RSPO1: variants seen among roughly 807,000 people sequenced by gnomAD.
RSPO1 encodes the protein R-spondin-1.
A neutral mutation model predicts 26.0 loss-of-function variants in RSPO1; 18 were observed. The ratio of observed to expected loss-of-function variants is 0.69; its 90% CI spans 0.48 to 1.03. The LOEUF (loss-of-function observed/expected upper bound fraction) is 1.03. RSPO1 is among the 50% of genes least tolerant of loss of function. The pLI, the probability that RSPO1 is intolerant of heterozygous loss-of-function variation, is 0.00. For missense variants in RSPO1, 309 were observed against 352.3 expected (o/e 0.88, Z 0.98); for synonymous variants, 133 against 137.4 (o/e 0.97, Z 0.22).
chr1:37,628,536 G>A (rs941220116), intron 3 of RSPO1, among the ~76,000 whole-genome samples: 2 of 152,236 alleles, frequency 1.3e-5, no homozygotes, highest in African/African-American at 2.4e-5. Context: ...TCTCCTGCCT[G>A]TGGGTGTGGC....
Position 37,614,190 on chromosome 1 carries a change from T to A in RSPO1, c.430A>T (p.Ser144Cys). The A allele has an allele frequency of 6.2e-7, 1 of 1,612,810 alleles. No individual in the cohort carries two copies. The highest frequency in any genetic ancestry group is 8.5e-7 in the Non-Finnish European group (1 of 1,179,994). ...SAANGTMECSSPAQCEMSEWS... is the reference protein window; with the variant it reads ...SAANGTMECSCPAQCEMSEWS... Reference sequence around the variant, plus strand: ...AGTGCCTGCCATGGCTTACCAGGACTACTGCACTCCATGGTGCCATTGGCA... The same window carrying A: ...AGTGCCTGCCATGGCTTACCAGGACAACTGCACTCCATGGTGCCATTGGCA... The change falls in exon 5 of 7, where the codon AGT becomes TGT. Residue 144 changes from serine (S) to cysteine (C), a missense_variant. By Grantham distance (112) the Ser-to-Cys change is moderately radical (BLOSUM62 -1). Coordinates refer to ENST00000356545, the MANE Select transcript of RSPO1 (RefSeq NM_001242908.2).
chr1:37,612,815 C>T lies in RSPO1; in HGVS notation c.732G>A (p.Gly244=), dbSNP rs376406082. The T allele has an allele frequency of 1.2e-6, 2 of 1,613,350 alleles. No homozygotes were observed. Among genetic ancestry groups the T allele is most frequent in the Non-Finnish European group, 1.7e-6 (2 of 1,180,044 alleles). ...EAGAGSRRRK[G]QQQQQQQGTV... is the part of the protein sequence containing the mutation. ...TCCCTTGCTGCTGCTGCTGTTGCTGCCCCTTGCGTCTTCGAGAGCCAGCAC... is the reference window on the plus strand; with the variant it reads ...TCCCTTGCTGCTGCTGCTGTTGCTGTCCCTTGCGTCTTCGAGAGCCAGCAC... Residue 244 remains glycine (G), a synonymous_variant, in exon 7 of 7, where the codon GGG becomes GGA. Transcript: ENST00000356545.
chr1:37,625,526 G>C (rs1430883593), intron 3 of RSPO1, among the ~76,000 whole-genome samples: 3 of 152,090 alleles, frequency 2.0e-5, no homozygotes, highest in Non-Finnish European at 4.4e-5. Context: ...AGGAGGATAG[G>C]TAGTGGGGCC....
rs1644330769 is a variant in RSPO1 at position 37,629,829 on chromosome 1, G to A, written c.-168C>T. On this transcript the variant is annotated 5_prime_UTR_variant, in exon 3 of 7. Coordinates refer to ENST00000356545, the MANE Select transcript of RSPO1 (RefSeq NM_001242908.2). Reference sequence around the variant, plus strand: ...CAGCTGGGGACAGAGAGGGTGTGGGGAGCCCAGTTCTCCATCAGCTCAAAG... The same window carrying A: ...CAGCTGGGGACAGAGAGGGTGTGGGAAGCCCAGTTCTCCATCAGCTCAAAG... The A allele has an allele frequency of 6.4e-7, 1 of 1,550,880 alleles. No homozygotes were observed. Among genetic ancestry groups the A allele is most frequent in the Non-Finnish European group, 8.7e-7 (1 of 1,146,792 alleles).
chr1:37,613,971 G>A lies in RSPO1; in HGVS notation c.437-79C>T. On this transcript the variant is annotated intron_variant, in intron 5 of 6. Transcript: ENST00000356545. The surrounding 1 kb of genome is among the most constrained non-coding windows in gnomAD (Gnocchi z 4.5). The stretch of plus-strand genomic sequence containing the variant: ...TCCTCCTCTGGCCCAGAATAGCCCA[G>A]GGGAGCATCTCCCACTTTCCTTCTG... 6.6e-7 allele frequency: 1 copy of A among 1,506,288 alleles called. No homozygotes were observed. The highest frequency in any genetic ancestry group is 9.2e-7 in the Non-Finnish European group (1 of 1,083,568). 93.3% of individuals were successfully genotyped at this position (1,506,288 alleles called of 1,614,324 possible).
chr1:37,630,705 A>G (rs555964000), intron 2 of RSPO1, among the ~76,000 whole-genome samples: 2 of 152,212 alleles, frequency 1.3e-5, no homozygotes, highest in Admixed American at 6.5e-5. Context: ...GTGTCTGGGA[A>G]GTTGGACATC....
rs748339569 is a variant in RSPO1 at position 37,613,777 on chromosome 1, C to T, written c.552G>A (p.Val184=). Residue 184 remains valine (V), a synonymous_variant, in exon 6 of 7, where the codon GTG becomes GTA. Coordinates refer to ENST00000356545, the MANE Select transcript of RSPO1 (RefSeq NM_001242908.2). This position sits in a 1 kb window ranked among gnomAD's most constrained non-coding sequence, Gnocchi z 4.5. The part of the protein sequence containing the change: ...ERTRRVLHAP[V]GDHAACSDTK... ...TGTCAGAGCAGGCAGCATGGTCCCCCACAGGGGCATGTAGCACCCTGCGTG... is the reference window on the plus strand; with the variant it reads ...TGTCAGAGCAGGCAGCATGGTCCCCTACAGGGGCATGTAGCACCCTGCGTG... The T allele has an allele frequency of 2.5e-6, 4 of 1,614,046 alleles. No homozygotes were observed. In the South Asian group the frequency reaches 4.4e-5, roughly 18 times the overall value.
At chr1:37,626,510 T>G (rs1049996529) in intron 3 of RSPO1, among the ~76,000 whole-genome samples, 2 of 152,210 alleles carry the variant, frequency 1.3e-5, no homozygotes, top group African/African-American at 2.4e-5. Context: ...ATTGACATTT[T>G]GTCTTCCCCC....
chr1:37,613,753 G>A lies in RSPO1; in HGVS notation c.576C>T (p.Asp192=), dbSNP rs1414974113. 3.1e-6 allele frequency: 5 copies of A among 1,613,866 alleles called. No individual in the cohort carries two copies. The South Asian group carries it at 5.5e-5, about 18-fold the overall frequency. ...CTGTGCACCTCCGGGTCTCCTTGGT[G>A]TCAGAGCAGGCAGCATGGTCCCCCA... ...APVGDHAACS[D]TKETRRCTVR... Residue 192 remains aspartate, a synonymous_variant, in exon 6 of 7, where the codon GAC becomes GAT. Coordinates refer to ENST00000356545, the MANE Select transcript of RSPO1 (RefSeq NM_001242908.2). The surrounding 1 kb of genome is among the most constrained non-coding windows in gnomAD (Gnocchi z 4.5).
intron 3 of RSPO1, among the ~76,000 whole-genome samples, chr1:37,621,620 G>A (rs1160450061): frequency 6.6e-6 from 1 of 152,070 alleles, no homozygotes; most frequent in Non-Finnish European, 1.5e-5. Context: ...GTTCGGGTGG[G>A]AAAATGACGA....
intron 2 of RSPO1, among the ~76,000 whole-genome samples, chr1:37,631,317 T>C (rs926709913): frequency 2.6e-5 from 4 of 152,206 alleles, no homozygotes; most frequent in Non-Finnish European, 5.9e-5. Context: ...CCTGGTGCTG[T>C]GGCCTGAGCC....
chr1:37,624,563 T>A (rs748377315), intron 3 of RSPO1, among the ~76,000 whole-genome samples: 1 of 145,806 alleles, frequency 6.9e-6, no homozygotes, highest in Non-Finnish European at 1.5e-5. Flanking sequence ...CAATTCCCCC[T>A]CTTCTAGTCT....
rs776433379 is a variant in RSPO1, at chr1:37,614,164, C to T, written c.436+20G>A. 92 of 1,611,304 alleles carry T rather than the reference C, an allele frequency of 5.7e-5. No homozygotes were observed. The highest frequency in any genetic ancestry group is 4.3e-4 in the Middle Eastern group (2 of 4,680). The stretch of plus-strand genomic sequence containing the variant: ...TCTGGGGTCCTGGACCCTCTGCCCA[C>T]AGTGCCTGCCATGGCTTACCAGGAC... On this transcript the variant is annotated intron_variant, in intron 5 of 6. Transcript: ENST00000356545.
At position 37,612,932 on chromosome 1, in the gene RSPO1, C is replaced by A. The variant is rs763326013; in HGVS notation, c.626-11G>T. 6.2e-7 allele frequency: 1 copy of A among 1,613,826 alleles called. No homozygotes were observed. The highest frequency in any genetic ancestry group is 1.7e-5 in the Admixed American group (1 of 60,028). ...TCCTCCTCTTCTGCCCTGAAACAAC[C>A]AAACAGCAGGAAGAATCAACAAAGG... On this transcript the variant is annotated splice_polypyrimidine_tract_variant and intron_variant, in intron 6 of 6. Coordinates refer to ENST00000356545, the MANE Select transcript of RSPO1 (RefSeq NM_001242908.2).
intron 3 of RSPO1, among the ~76,000 whole-genome samples, chr1:37,624,189 G>A (rs993036297): frequency 2.0e-5 from 3 of 152,150 alleles, no homozygotes; most frequent in African/African-American, 4.8e-5. Flanking sequence ...AGGAGGCTGA[G>A]GCAGGAGGAT....
chr1:37,627,982 G>T (rs1644303597), intron 3 of RSPO1, among the ~76,000 whole-genome samples: 1 of 152,222 alleles, frequency 6.6e-6, no homozygotes, highest in Non-Finnish European at 1.5e-5. Context: ...GTCAAAATTG[G>T]TGCAGGAGAT....
chr1:37,624,751 A>T (rs1644252622), intron 3 of RSPO1, among the ~76,000 whole-genome samples: 1 of 152,030 alleles, frequency 6.6e-6, no homozygotes, highest in Admixed American at 6.5e-5. Context: ...TTAAACTAAA[A>T]ATCTGATGGT....
In RSPO1 at chr1:37,612,650, G is replaced by C. The variant is rs1644041661; in HGVS notation, c.*105C>G. The C allele has an allele frequency of 1.7e-6, 2 of 1,158,874 alleles. No individual in the cohort carries two copies. Among genetic ancestry groups the C allele is most frequent in the Admixed American group, 3.4e-5 (2 of 58,920 alleles). The allele number at this position is 1,158,874 out of a possible 1,614,324, so 71.8% of individuals were successfully genotyped here. A position where few individuals can be genotyped will look rare whatever the true frequency, so the allele number is the denominator to read the frequency against. ...TCTATGTATGCATGGATGGATTGGA[G>C]TGTGTGTGTATGCTTTGCCCCCGAC... is the stretch of plus-strand genomic sequence containing the variant. On this transcript the variant is annotated 3_prime_UTR_variant, in exon 7 of 7. Transcript: ENST00000356545.
chr1:37,630,464 G>A (rs980955099), intron 2 of RSPO1, among the ~76,000 whole-genome samples: 4 of 152,238 alleles, frequency 2.6e-5, no homozygotes, highest in African/African-American at 9.6e-5. Context: ...CTGGCCCTCT[G>A]GGCTTGGCGG....
Sources: allele counts gnomAD v4.1 joint callset (sites outside exome capture counted in the v4.1 genomes callset), GRCh38; gene constraint gnomAD v4.1.1; non-coding constraint Gnocchi (gnomAD v3.1); transcripts MANE v1.5; gene names NCBI Gene and HGNC (gene_info 2026-07-23, HGNC 2026-07-21).